BMPR2: variants seen among roughly 807,000 people sequenced by gnomAD.
BMPR2 encodes bone morphogenetic protein receptor type-2.
A neutral mutation model predicts 100.8 loss-of-function variants in BMPR2; 29 were observed. The ratio of observed to expected loss-of-function variants is 0.29; its 90% confidence interval spans 0.21 to 0.39. The LOEUF is 0.39. Ranked by LOEUF, BMPR2 falls within the 10% of genes least tolerant of loss-of-function variation. BMPR2 has a pLI of 1.00. For missense variants in BMPR2, 1,011 were observed against 1,274.5 expected (o/e 0.79, Z 3.15); for synonymous variants, 382 against 442.3 (o/e 0.86, Z 1.71).
intron 11 of BMPR2, among the ~76,000 whole-genome samples, chr2:202,553,238 T>TTCC (rs573751968): frequency 3.9e-5 from 6 of 152,150 alleles, no homozygotes; most frequent in Non-Finnish European, 8.8e-5. Flanking sequence ...TTTGTTGTTA[T>TTCC]TCCTTCTTCC....
chr2:202,470,368 C>G (rs967270226), intron 3 of BMPR2, among the ~76,000 whole-genome samples: 1 of 151,926 alleles, frequency 6.6e-6, no homozygotes, highest in East Asian at 1.9e-4. Flanking sequence ...AAAAAAGGAA[C>G]GAAGCCTTCT....
rs1307042310 is a variant in BMPR2 at position 202,566,143 on chromosome 2, C to G, written c.*6197C>G. The G allele has an allele frequency of 6.6e-6, 1 of 152,306 alleles. No homozygotes were observed. The highest frequency in any genetic ancestry group is 1.9e-4 in the East Asian group (1 of 5,202). 9.4% of individuals were successfully genotyped at this position (152,306 alleles called of 1,614,324 possible). The stretch of plus-strand genomic sequence containing the variant: ...TTTAAGCAAATTACTGTATTTGAAA[C>G]TACAACTTGATTTGGTTTTCAGTTT... On this transcript the variant is annotated 3_prime_UTR_variant, in exon 13 of 13. Transcript: ENST00000374580.
At chr2:202,504,528 A>G (rs925674585) in intron 3 of BMPR2, among the ~76,000 whole-genome samples, 4 of 152,046 alleles carry the variant, frequency 2.6e-5, no homozygotes, top group Admixed American at 6.6e-5. Flanking sequence ...CTCCAGACGC[A>G]CCACCTGAAG....
rs1341221370 is a variant in BMPR2, at chr2:202,543,225, T to TATATATATTTATATAC, written c.1413+801_1413+816dup. Among the ~76,000 whole-genome samples the TATATATATTTATATAC allele has an allele frequency of 3.4e-5, 5 of 146,968 alleles. No individual in the cohort carries two copies. The South Asian group carries it at 8.4e-4, about 25-fold the overall frequency. On this transcript the variant is annotated intron_variant, in intron 10 of 12. Coordinates refer to ENST00000374580, the MANE Select transcript of BMPR2 (RefSeq NM_001204.7). ...ATATATTTATATACATATATATTTA[T>TATATATATTTATATAC]ATATATATTTATATACATATATATT...
chr2:202,471,932 G>A lies in BMPR2; in HGVS notation c.418+4243G>A, dbSNP rs139122118. Among the ~76,000 whole-genome samples, 61 of 152,178 alleles carry A rather than the reference G, an allele frequency of 4.0e-4. No homozygotes were observed. In the East Asian group the frequency reaches 0.011, roughly 28 times the overall value. On this transcript the variant is annotated intron_variant, in intron 3 of 12. Transcript: ENST00000374580. ...AAAGATTGTGTGTGTGTGTGTGTGT[G>A]TGTGTGTAGAAAGAGGTAATAAAAG...
At chr2:202,528,409 G>A (rs577101836) in intron 7 of BMPR2, among the ~76,000 whole-genome samples, 3 of 152,184 alleles carry the variant, frequency 2.0e-5, no homozygotes, top group South Asian at 4.2e-4. Context: ...GGATGGTCTC[G>A]ATCTCCTGAC....
intron 1 of BMPR2, among the ~76,000 whole-genome samples, chr2:202,416,322 T>C (rs2105920446): frequency 6.7e-6 from 1 of 150,344 alleles, no homozygotes; most frequent in Middle Eastern, 3.4e-3. Context: ...TGGAGTGCAA[T>C]GGCGTGGTCA....
At chr2:202,391,396 C>T (rs772478248) in intron 1 of BMPR2, among the ~76,000 whole-genome samples, 11 of 151,770 alleles carry the variant, frequency 7.2e-5, no homozygotes, top group African/African-American at 1.7e-4. Context: ...CTCAATCTCC[C>T]GGAAGCTCAA....
At chr2:202,401,682 A>G (rs1473378609) in intron 1 of BMPR2, among the ~76,000 whole-genome samples, 1 of 152,248 alleles carries the variant, frequency 6.6e-6, no homozygotes, top group African/African-American at 2.4e-5. Flanking sequence ...TTTTAAAGCA[A>G]AAGGTGAGCC....
chr2:202,499,815 C>T lies in BMPR2; in HGVS notation c.419-13904C>T, dbSNP rs532710057. Among the ~76,000 whole-genome samples the T allele has an allele frequency of 2.6e-5, 4 of 152,168 alleles. No homozygotes were observed. In the East Asian group the frequency reaches 5.8e-4, roughly 22 times the overall value. On this transcript the variant is annotated intron_variant, in intron 3 of 12. Coordinates refer to ENST00000374580, the MANE Select transcript of BMPR2 (RefSeq NM_001204.7). The stretch of plus-strand genomic sequence containing the variant: ...AGAGGAACAGGCCCAAAAGGAAAAG[C>T]GAGATCAGAGAAAGGCCGCAGCCTT...
At chr2:202,523,541 C>A (rs1157902952) in intron 7 of BMPR2, among the ~76,000 whole-genome samples, 2 of 152,160 alleles carry the variant, frequency 1.3e-5, no homozygotes, top group Admixed American at 1.3e-4. Context: ...TGGTGGATTA[C>A]GCCTGTAATC....
chr2:202,472,524 T>C (rs1046153765), intron 3 of BMPR2, among the ~76,000 whole-genome samples: 1 of 152,168 alleles, frequency 6.6e-6, no homozygotes, highest in Non-Finnish European at 1.5e-5. Flanking sequence ...CCGGGCATGG[T>C]GGCGCATGCC....
chr2:202,529,412 A>G (rs148269297), intron 7 of BMPR2, among the ~76,000 whole-genome samples: 1 of 152,222 alleles, frequency 6.6e-6, no homozygotes, highest in Non-Finnish European at 1.5e-5. Flanking sequence ...ACTTTTCTCA[A>G]AAGGGCAGTC....
At chr2:202,479,264 C>A (rs1026494280) in intron 3 of BMPR2, among the ~76,000 whole-genome samples, 6 of 152,250 alleles carry the variant, frequency 3.9e-5, no homozygotes, top group African/African-American at 7.2e-5. Flanking sequence ...GGAACTGAGG[C>A]CCATAGTCCA....
intron 3 of BMPR2, among the ~76,000 whole-genome samples, chr2:202,483,925 C>G (rs370032956): frequency 6.6e-6 from 1 of 152,056 alleles, no homozygotes; most frequent in Non-Finnish European, 1.5e-5. Context: ...GACCTTGTCT[C>G]TGAAAAATAA....
At chr2:202,403,528 C>A (rs1216336799) in intron 1 of BMPR2, among the ~76,000 whole-genome samples, 1 of 152,014 alleles carries the variant, frequency 6.6e-6, no homozygotes, top group Non-Finnish European at 1.5e-5. Flanking sequence ...CTTAGTTTTT[C>A]ATTCAAATTA....
chr2:202,385,944 T>C lies in BMPR2; in HGVS notation c.76+8394T>C, dbSNP rs544157590. On this transcript the variant is annotated intron_variant, in intron 1 of 12. Transcript: ENST00000374580. ...CTTGTTGTTTGATTTATTTCCAAGT[T>C]CTTGTTTTGACCTATCTGTAGCATG... is the stretch of plus-strand genomic sequence containing the variant. Among the ~76,000 whole-genome samples the C allele has an allele frequency of 9.1e-4, 139 of 152,300 alleles. 1 individual carries two copies. Among genetic ancestry groups the C allele is most frequent in the African/African-American group, 3.2e-3 (131 of 41,574 alleles).
chr2:202,445,975 C>G (rs566256144), intron 1 of BMPR2, among the ~76,000 whole-genome samples: 1 of 149,846 alleles, frequency 6.7e-6, no homozygotes, highest in South Asian at 2.1e-4. Context: ...GGGGTTTCAC[C>G]GTGTTAGCCA....
intron 1 of BMPR2, among the ~76,000 whole-genome samples, chr2:202,413,556 G>A (rs541517766): frequency 2.0e-5 from 3 of 152,154 alleles, no homozygotes; most frequent in Admixed American, 2.0e-4. Context: ...CTAATTCAGT[G>A]TTTGCAATAA....
Sources: gnomAD v4.1 joint callset for allele counts (sites outside exome capture counted in the v4.1 genomes callset) on GRCh38, gnomAD v4.1.1 for gene constraint, MANE v1.5 for transcripts, NCBI Gene and HGNC (gene_info 2026-07-23, HGNC 2026-07-21) for gene names.